Variants in ADGRG4 observed in about 807,000 individuals in gnomAD.
The protein encoded by ADGRG4 is G protein-coupled receptor 112.
In ADGRG4, 122 loss-of-function variants were observed where a neutral mutation model predicts 126.2. The ratio of observed to expected loss-of-function variants is 0.97; its 90% confidence interval spans 0.83 to 1.12. The LOEUF (loss-of-function observed/expected upper bound fraction) is 1.12. ADGRG4 is among the 50% of genes most tolerant of loss of function. The probability of loss-of-function intolerance (pLI) is 0.00; values close to 1 mark genes in which losing one functional copy is unlikely to be tolerated. For missense variants in ADGRG4, 2,481 were observed against 2,251.8 expected, an observed-to-expected ratio of 1.10 and a Z score of -2.06; for synonymous variants, 943 against 838.7, an observed-to-expected ratio of 1.12 and a Z score of -2.15.
chrX:136,404,698 T>C (rs1240853406), intron 22 of ADGRG4, among the ~76,000 whole-genome samples: 3 of 112,241 alleles, frequency 2.7e-5, no homozygotes, highest in Non-Finnish European at 5.6e-5. Flanking sequence ...TGGAGGTGAT[T>C]CTCTACCCAA....
Position 136,371,560 on chromosome X carries a change from TTG to T in ADGRG4, c.7613+17_7613+18del. Reference sequence around the variant, plus strand: ...TAAGCAATGAGTAAGTACTAATACTTTGGTGAAAGACATTATTTTTAAAAAAT... The same window carrying T: ...TAAGCAATGAGTAAGTACTAATACTTGTGAAAGACATTATTTTTAAAAAAT... On this transcript the variant is annotated intron_variant, in intron 14 of 25. Coordinates refer to ENST00000394143, the MANE Select transcript of ADGRG4 (RefSeq NM_153834.4). 9.9e-7 allele frequency: 1 copy of T among 1,009,971 alleles called. No homozygotes were observed. The highest frequency in any genetic ancestry group is 1.3e-6 in the Non-Finnish European group (1 of 752,241). 83.2% of individuals were successfully genotyped at this position (1,009,971 alleles called of 1,213,427 possible). A position where few individuals can be genotyped will look rare whatever the true frequency, so the allele number is the denominator to read the frequency against.
chrX:136,384,741 T>C (rs1194428837), intron 15 of ADGRG4, among the ~76,000 whole-genome samples: 2 of 111,435 alleles, frequency 1.8e-5, no homozygotes, highest in Non-Finnish European at 3.8e-5. Context: ...TTTAAAGATG[T>C]CATTTCACTC....
In ADGRG4 at chrX:136,350,293, T is replaced by C. The variant is rs1351769555; in HGVS notation, c.6587T>C (p.Ile2196Thr). The C allele has an allele frequency of 8.3e-7, 1 of 1,210,866 alleles. No individual in the cohort carries two copies. Residue 2196 changes from isoleucine (I) to threonine (T), a missense_variant, in exon 6 of 26, where the codon ATA (isoleucine) becomes ACA (threonine). Transcript: ENST00000394143. ...GTTCCTGGAGCCTCATTTCCACTCA[T>C]ATCCACTGGGGTGACATATCCTTTT... is the stretch of plus-strand genomic sequence containing the variant. ...STVPGASFPL[I>T]STGVTYPFTA...
intron 13 of ADGRG4, among the ~76,000 whole-genome samples, chrX:136,369,416 A>G (rs1251632259): frequency 8.9e-6 from 1 of 112,134 alleles, no homozygotes; most frequent in East Asian, 2.8e-4. Flanking sequence ...GAGGACCAGG[A>G]ATTTTTACAC....
chrX:136,306,693 A>T (rs2074735399), intron 3 of ADGRG4, among the ~76,000 whole-genome samples: 2 of 107,725 alleles, frequency 1.9e-5, no homozygotes, highest in South Asian at 8.2e-4. Flanking sequence ...TTCATGCCTT[A>T]TATATAGACT....
intron 8 of ADGRG4, among the ~76,000 whole-genome samples, chrX:136,354,300 C>G (rs1242703356): frequency 9.0e-6 from 1 of 111,421 alleles, no homozygotes; most frequent in African/African-American, 3.3e-5. Flanking sequence ...GCTCACAGTT[C>G]CGGAGGCTGG....
At chrX:136,307,897 T>C (rs997445545) in intron 3 of ADGRG4, among the ~76,000 whole-genome samples, 5 of 112,242 alleles carry the variant, frequency 4.5e-5, no homozygotes, top group Non-Finnish European at 9.4e-5. Flanking sequence ...TTACAATTAA[T>C]TAAGGAGAGA....
intron 11 of ADGRG4, among the ~76,000 whole-genome samples, chrX:136,360,286 A>T (rs1469056498): frequency 9.0e-6 from 1 of 111,714 alleles, no homozygotes; most frequent in Non-Finnish European, 1.9e-5. Flanking sequence ...CACCTGAGGG[A>T]AATATTTCCA....
intron 4 of ADGRG4, among the ~76,000 whole-genome samples, chrX:136,310,306 C>A (rs1421315741): frequency 1.8e-5 from 2 of 109,986 alleles, no homozygotes; most frequent in Admixed American, 2.0e-4. Context: ...TGCCACCATG[C>A]CCGGCTAATT....
chrX:136,337,303 T>C (rs1398952717), intron 5 of ADGRG4, among the ~76,000 whole-genome samples: 1 of 111,888 alleles, frequency 8.9e-6, no homozygotes, highest in Non-Finnish European at 1.9e-5. Flanking sequence ...TATCAGATGA[T>C]GTTGCAATTT....
chrX:136,395,543 A>G (rs2075342687), intron 19 of ADGRG4, 50 bp downstream of exon 19: 1 of 705,680 alleles, frequency 1.4e-6, no homozygotes, highest in African/African-American at 2.1e-5. Flanking sequence ...AATTTTTATT[A>G]GACCAGTAAT....
chrX:136,315,740 G>A (rs1249911104), intron 4 of ADGRG4, among the ~76,000 whole-genome samples: 1 of 111,737 alleles, frequency 8.9e-6, no homozygotes, highest in East Asian at 2.8e-4. Flanking sequence ...TTAAGATAAA[G>A]TCATACTGCA....
intron 4 of ADGRG4, among the ~76,000 whole-genome samples, chrX:136,309,773 C>A (rs766572991): frequency 2.1e-3 from 236 of 111,675 alleles, no homozygotes; most frequent in Middle Eastern, 4.6e-3. Flanking sequence ...GGCCTACCTG[C>A]TAAAAAGTTG....
In ADGRG4 at chrX:136,396,672, TC is replaced by T. The variant is rs767864087; in HGVS notation, c.8184+1180del. On this transcript the variant is annotated intron_variant, in intron 19 of 25. Transcript: ENST00000394143. Reference sequence around the variant, plus strand: ...GCTCTGTCTGTAACTAACTATGTGATCTTGGTAAGGTTGTTTCCCTCTTTTG... The same window carrying T: ...GCTCTGTCTGTAACTAACTATGTGATTTGGTAAGGTTGTTTCCCTCTTTTG... Among the ~76,000 whole-genome samples the T allele has an allele frequency of 3.2e-3, 351 of 108,995 alleles. 1 individual carries two copies. Among genetic ancestry groups the T allele is most frequent in the African/African-American group, 0.011 (338 of 30,104 alleles). 94.6% of individuals were successfully genotyped at this position (108,995 alleles called of 115,157 possible). A position where few individuals can be genotyped will look rare whatever the true frequency, so the allele number is the denominator to read the frequency against.
intron 22 of ADGRG4, among the ~76,000 whole-genome samples, chrX:136,403,579 C>T (rs1198691140): frequency 8.9e-6 from 1 of 112,018 alleles, no homozygotes; most frequent in Admixed American, 9.4e-5. Context: ...CTCTTAATGT[C>T]CTGTGCAAAT....
At chrX:136,387,218 G>C (rs2075296400) in intron 15 of ADGRG4, among the ~76,000 whole-genome samples, 1 of 112,306 alleles carries the variant, frequency 8.9e-6, no homozygotes, top group Non-Finnish European at 1.9e-5. Flanking sequence ...AACCATAGCT[G>C]TGAGCATGCA....
Position 136,346,347 on chromosome X carries a change from T to G in ADGRG4, c.2641T>G (p.Ser881Ala). The change falls in exon 6 of 26, where the codon TCT (serine) becomes GCT (alanine). Residue 881 changes from serine (S) to alanine (A), a missense_variant. Ser to Ala is a moderately conservative substitution (Grantham distance 99, BLOSUM62 1). Coordinates refer to ENST00000394143, the MANE Select transcript of ADGRG4 (RefSeq NM_153834.4). ...TDESAQRVTA[S>A]VTVSSFPDIE... ...CGAATCAGCACAAAGGGTGACAGCTTCTGTCACTGTTTCCTCTTTTCCTGA... is the reference window on the plus strand; with the variant it reads ...CGAATCAGCACAAAGGGTGACAGCTGCTGTCACTGTTTCCTCTTTTCCTGA... 8.3e-7 allele frequency: 1 copy of G among 1,209,736 alleles called. No individual in the cohort carries two copies. The highest frequency in any genetic ancestry group is 1.1e-6 in the Non-Finnish European group (1 of 894,153).
Position 136,344,742 on chromosome X carries a change from C to G in ADGRG4, c.1036C>G (p.Pro346Ala). 1 of 1,210,055 alleles carries G rather than the reference C, an allele frequency of 8.3e-7. No individual in the cohort carries two copies. Among genetic ancestry groups the G allele is most frequent in the Non-Finnish European group, 1.1e-6 (1 of 894,431 alleles). ...TTNSMKKTKS[P>A]SSESTKTTKM... ...CAATTCCATGAAAAAAACGAAATCT[C>G]CATCTTCAGAAAGCACAAAGACAAC... Residue 346 changes from proline to alanine, a missense_variant, in exon 6 of 26, where the codon CCA becomes GCA. By Grantham distance (27) the Pro-to-Ala change is conservative (BLOSUM62 -1). Transcript: ENST00000394143.
chrX:136,386,336 A>G (rs755340257), intron 15 of ADGRG4, among the ~76,000 whole-genome samples: 1 of 111,941 alleles, frequency 8.9e-6, no homozygotes, highest in East Asian at 2.8e-4. Flanking sequence ...ACCAAACAAC[A>G]CCAGTTGTAT....
Sources: allele counts gnomAD v4.1 joint callset (sites outside exome capture counted in the v4.1 genomes callset), GRCh38; gene constraint gnomAD v4.1.1; transcripts MANE v1.5; gene names NCBI Gene and HGNC (gene_info 2026-07-23, HGNC 2026-07-21).